LINC00632: variants seen among roughly 807,000 people sequenced by gnomAD.
LINC00632 encodes the protein long independently transcribed non-coding RNA 632, also known as ALDOA related specific transcript.
At chrX:140,768,692 ATATT>A (rs1293721337) in intron 3 of LINC00632, among the ~76,000 whole-genome samples, 26 of 97,891 alleles carry the variant, frequency 2.7e-4, no homozygotes, top group African/African-American at 8.2e-4. Context: ...ACTATATAAT[ATATT>A]TATTATATAA....
At chrX:140,757,723 C>G (rs949551007) in intron 3 of LINC00632, among the ~76,000 whole-genome samples, 4 of 110,785 alleles carry the variant, frequency 3.6e-5, no homozygotes, top group African/African-American at 1.3e-4. Flanking sequence ...AGCACCAGCA[C>G]GTCCAGCTAA....
chrX:140,748,129 A>G (rs1931356492), intron 3 of LINC00632, among the ~76,000 whole-genome samples: 1 of 111,939 alleles, frequency 8.9e-6, no homozygotes, highest in African/African-American at 3.2e-5. Flanking sequence ...TGCCTGGCCT[A>G]TCCAACAGTT....
chrX:140,784,535 C>A, exon 5 of LINC00632: 1 of 569,843 alleles, frequency 1.8e-6, no homozygotes, highest in East Asian at 3.3e-5. Context: ...CTGTGTCTTC[C>A]AGCATCTTCA....
chrX:140,789,926 G>T (rs1472349339), exon 5 of LINC00632, among the ~76,000 whole-genome samples: 5 of 111,126 alleles, frequency 4.5e-5, no homozygotes, highest in African/African-American at 1.6e-4. Flanking sequence ...CTATAAAGAA[G>T]ATTTAATTAT....
At chrX:140,780,300 A>G (rs1931917046) in exon 5 of LINC00632, among the ~76,000 whole-genome samples, 1 of 111,442 alleles carries the variant, frequency 9.0e-6, no homozygotes, top group South Asian at 3.8e-4. Context: ...ATTTCCCTCA[A>G]ATTAAGGTAT....
intron 3 of LINC00632, among the ~76,000 whole-genome samples, chrX:140,753,519 C>T (rs1376011777): frequency 4.5e-5 from 5 of 110,439 alleles, no homozygotes; most frequent in African/African-American, 9.9e-5. Flanking sequence ...TGTCTAGTAC[C>T]GAGGATGTGC....
rs1407657550 is a variant in LINC00632, at chrX:140,759,746, G to A, written n.192-12332G>A. ...AATTCATTCAGAAAGTATTTATTGA[G>A]TCTATTTACTGGACCAGAGACTCTG... is the stretch of plus-strand genomic sequence containing the variant. On this transcript the variant is annotated intron_variant and non_coding_transcript_variant, in intron 3 of 4. Transcript: ENST00000648200. 3.6e-5 allele frequency among the ~76,000 whole-genome samples: 4 copies of A among 111,298 alleles called. No individual in the cohort carries two copies. The Admixed American group carries it at 3.8e-4, about 11-fold the overall frequency.
At chrX:140,768,723 T>A (rs1473423892) in intron 3 of LINC00632, among the ~76,000 whole-genome samples, 2 of 98,730 alleles carry the variant, frequency 2.0e-5, no homozygotes, top group Non-Finnish European at 4.0e-5. Context: ...TATATTTAAT[T>A]AAATATATAA....
At chrX:140,744,018 C>T (rs952587356) in intron 3 of LINC00632, among the ~76,000 whole-genome samples, 1 of 111,681 alleles carries the variant, frequency 9.0e-6, no homozygotes, top group Non-Finnish European at 1.9e-5. Context: ...TTGCATATTT[C>T]TGTTGGGAAA....
intron 2 of LINC00632, chrX:140,714,548 C>A (rs1602730458): frequency 1.8e-5 from 2 of 112,131 alleles, no homozygotes; most frequent in Non-Finnish European, 3.7e-5. Context: ...TCCAGCCGGA[C>A]GCGGTGGCTC....
chrX:140,761,743 A>AG (rs1318747802), intron 3 of LINC00632, among the ~76,000 whole-genome samples: 1 of 112,255 alleles, frequency 8.9e-6, no homozygotes, highest in Non-Finnish European at 1.9e-5. Flanking sequence ...CATTAATTAA[A>AG]CCTTTAGCTA....
exon 5 of LINC00632, among the ~76,000 whole-genome samples, chrX:140,785,369 G>A (rs1932004843): frequency 9.0e-6 from 1 of 111,730 alleles, no homozygotes; most frequent in Non-Finnish European, 1.9e-5. Context: ...GCACACAGAG[G>A]TGAAGTAAAT....
intron 3 of LINC00632, among the ~76,000 whole-genome samples, chrX:140,750,868 A>G (rs936475064): frequency 9.0e-6 from 1 of 111,380 alleles, no homozygotes; most frequent in Non-Finnish European, 1.9e-5. Flanking sequence ...GTGGGAATGT[A>G]CAATATTTGG....
At chrX:140,776,597 G>T (rs899329747) in exon 5 of LINC00632, among the ~76,000 whole-genome samples, 24 of 112,475 alleles carry the variant, frequency 2.1e-4, no homozygotes, top group Non-Finnish European at 1.9e-4. Context: ...CATCCGCCGC[G>T]CGTTAGGCCA....
chrX:140,713,954 C>G (rs1289676065), intron 2 of LINC00632: 2 of 259,836 alleles, frequency 7.7e-6, no homozygotes, highest in African/African-American at 5.8e-5. Context: ...TAGAACACGG[C>G]TTCCCCGACA....
chrX:140,715,243 C>G (rs927215232), intron 2 of LINC00632, among the ~76,000 whole-genome samples: 1 of 111,791 alleles, frequency 8.9e-6, no homozygotes, highest in African/African-American at 3.3e-5. Context: ...GCATAACACT[C>G]TAAGCCCACA....
chrX:140,717,381 C>T (rs1283250736), intron 2 of LINC00632, among the ~76,000 whole-genome samples: 2 of 110,775 alleles, frequency 1.8e-5, no homozygotes, highest in South Asian at 3.9e-4. Flanking sequence ...CACTGCCACA[C>T]GTATGACCAG....
chrX:140,776,961 A>G (rs905622420), exon 5 of LINC00632, among the ~76,000 whole-genome samples: 2 of 111,352 alleles, frequency 1.8e-5, no homozygotes, highest in East Asian at 2.8e-4. Context: ...CTGCAGCCAT[A>G]AAAATGAATT....
chrX:140,783,665 C>A, exon 5 of LINC00632: 1 of 1,211,243 alleles, frequency 8.3e-7, no homozygotes, highest in Non-Finnish European at 1.1e-6. Flanking sequence ...TCCAGGTCTT[C>A]CAGTCAGTCA....
Sources: gnomAD v4.1 joint callset for allele counts (sites outside exome capture counted in the v4.1 genomes callset) on GRCh38, gnomAD v4.1.1 for gene constraint, MANE v1.5 for transcripts, NCBI Gene and HGNC (gene_info 2026-07-23, HGNC 2026-07-21) for gene names.